Variants in UBR4 observed in about 807,000 individuals in gnomAD.
The protein encoded by UBR4 is E3 ubiquitin-protein ligase UBR4.
UBR4 carries 124 observed loss-of-function variants against 575.6 expected under a neutral mutation model. That is an observed-to-expected ratio of 0.22 (90% CI 0.19 to 0.25). The LOEUF (loss-of-function observed/expected upper bound fraction) is 0.25. Ranked by LOEUF, UBR4 falls within the 10% of genes least tolerant of loss-of-function variation. The probability of loss-of-function intolerance (pLI) is 1.00; values close to 1 mark genes in which losing one functional copy is unlikely to be tolerated. For synonymous variants in UBR4, 2,455 were observed against 2,473.7 expected (o/e 0.99, Z 0.22); for missense variants, 4,818 against 6,478.8 (o/e 0.74, Z 8.80).
Position 19,204,527 on chromosome 1 carries a change from T to TAA in UBR4, c.177-2714_177-2713dup, listed in dbSNP as rs142907721. Among the ~76,000 whole-genome samples the TAA allele has an allele frequency of 4.4e-4, 64 of 145,574 alleles. 1 individual carries two copies. The highest frequency in any genetic ancestry group is 6.9e-4 in the African/African-American group (27 of 39,252). On this transcript the variant is annotated intron_variant, in intron 1 of 105. Coordinates refer to ENST00000375254, the MANE Select transcript of UBR4 (RefSeq NM_020765.3). The stretch of plus-strand genomic sequence containing the variant: ...ATACCCATTCTGATAATGAAATATA[T>TAA]AAAAAAAAATATATATATATATAGG...
chr1:19,161,775 C>T (rs747144518), intron 36 of UBR4, 39 bp from the exon 37 acceptor site: 1 of 1,613,848 alleles, frequency 6.2e-7, no homozygotes, highest in Admixed American at 1.7e-5. Context: ...CTCAGAAGTC[C>T]CAACAATCGG....
At chr1:19,194,561 G>A (rs1364299632) in intron 8 of UBR4, among the ~76,000 whole-genome samples, 2 of 152,130 alleles carry the variant, frequency 1.3e-5, no homozygotes, top group South Asian at 2.1e-4. Flanking sequence ...TAGCACTTTG[G>A]GAGGCCCAGG....
Position 19,088,954 on chromosome 1 carries a change from G to A in UBR4, c.14235C>T (p.Ile4745=), listed in dbSNP as rs1228748113. ...CCTGCTCCAGCTTATGCAGGTTCGGGATGGAATCAGTTCCAATCAGAACCT... is the reference window on the plus strand; with the variant it reads ...CCTGCTCCAGCTTATGCAGGTTCGGAATGGAATCAGTTCCAATCAGAACCT... ...GTQVLIGTDS[I]PNLHKLEQVS... The change falls in exon 98 of 106, where the codon ATC becomes ATT. Residue 4745 remains isoleucine (I), a synonymous_variant. Transcript: ENST00000375254. The surrounding 1 kb of genome is among the most constrained non-coding windows in gnomAD (Gnocchi z 4.0). The A allele has an allele frequency of 6.2e-7, 1 of 1,614,200 alleles. No individual in the cohort carries two copies. The highest frequency in any genetic ancestry group is 8.5e-7 in the Non-Finnish European group (1 of 1,180,042).
chr1:19,074,765 AGGAG>A lies in UBR4; in HGVS notation c.*63_*66del. ...TCCCGCGGAGGGAACTTAATGCACA[AGGAG>A]GGAGAACAGAGGGTGGAAGGCAAGC... On this transcript the variant is annotated 3_prime_UTR_variant, in exon 106 of 106. Transcript: ENST00000375254. The A allele has an allele frequency of 6.4e-7, 1 of 1,559,856 alleles. No homozygotes were observed. The highest frequency in any genetic ancestry group is 8.8e-7 in the Non-Finnish European group (1 of 1,136,518).
Position 19,195,266 on chromosome 1 carries a change from A to AAATAATAATAATAATAAT in UBR4, c.1019-1727_1019-1710dup, listed in dbSNP as rs56018841. On this transcript the variant is annotated intron_variant, in intron 8 of 105. Coordinates refer to ENST00000375254, the MANE Select transcript of UBR4 (RefSeq NM_020765.3). ...GGCGACTGAGCGAGACTCCATCTCA[A>AAATAATAATAATAATAAT]AATAATAATAATAATAATAATAATA... Among the ~76,000 whole-genome samples, 484 of 143,324 alleles carry AAATAATAATAATAATAAT rather than the reference A, an allele frequency of 3.4e-3. 1 individual carries two copies. The highest frequency in any genetic ancestry group is 8.3e-3 in the African/African-American group (322 of 38,922). The allele number at this position is 143,324 out of a possible 152,430, so 94.0% of individuals were successfully genotyped here.
chr1:19,143,432 A>G (rs1262135634), intron 55 of UBR4, among the ~76,000 whole-genome samples: 1 of 152,210 alleles, frequency 6.6e-6, no homozygotes, highest in East Asian at 1.9e-4. Context: ...CTTTTACTGA[A>G]TCGTAAAATG....
At chr1:19,113,501 C>T in intron 77 of UBR4, 198 bp downstream of exon 77, 2 of 754,462 alleles carry the variant, frequency 2.7e-6, no homozygotes, top group Non-Finnish European at 4.2e-6. Context: ...AGCATGAACT[C>T]AGCATTCTGA....
Position 19,100,263 on chromosome 1 carries a change from G to A in UBR4, c.13221+113C>T. On this transcript the variant is annotated intron_variant, in intron 89 of 105. Transcript: ENST00000375254. The surrounding 1 kb of genome is among the most constrained non-coding windows in gnomAD (Gnocchi z 4.2). ...CCCCAACTTACAGAGTGGAGAAACT[G>A]AAGGCCACCTGCCCCAAGTTAATCA... 1.7e-6 allele frequency: 2 copies of A among 1,181,786 alleles called. No homozygotes were observed. The highest frequency in any genetic ancestry group is 2.5e-6 in the Non-Finnish European group (2 of 814,334). 73.2% of individuals were successfully genotyped at this position (1,181,786 alleles called of 1,614,324 possible).
At chr1:19,130,305 C>T (rs976769440) in intron 60 of UBR4, among the ~76,000 whole-genome samples, 1 of 152,166 alleles carries the variant, frequency 6.6e-6, no homozygotes, top group Non-Finnish European at 1.5e-5. Flanking sequence ...CGTCTTTCAA[C>T]ACTTGGAGGC....
In UBR4 at chr1:19,145,645, T is replaced by C. The variant is rs554578176; in HGVS notation, c.7945+148A>G. ...ATTCCTGTCTCAGGAACATTGCATTTATCTCGCAGACTTCTACTTCCCAAT... is the reference window on the plus strand; with the variant it reads ...ATTCCTGTCTCAGGAACATTGCATTCATCTCGCAGACTTCTACTTCCCAAT... On this transcript the variant is annotated intron_variant, in intron 53 of 105. Transcript: ENST00000375254. 4.4e-5 allele frequency: 45 copies of C among 1,028,392 alleles called. No homozygotes were observed. In the South Asian group the frequency reaches 7.9e-4, roughly 18 times the overall value. The allele number at this position is 1,028,392 out of a possible 1,614,324, so 63.7% of individuals were successfully genotyped here. A position where few individuals can be genotyped will look rare whatever the true frequency, so the allele number is the denominator to read the frequency against.
chr1:19,094,862 C>A lies in UBR4; in HGVS notation c.13746+44G>T, dbSNP rs2077874744. ...GCCTGTTGTGGGCAATGAGACAGTG[C>A]AGGCTCTCAGTGCCTGCAGATGGAG... On this transcript the variant is annotated intron_variant, in intron 94 of 105. Transcript: ENST00000375254. 4 of 1,608,102 alleles carry A rather than the reference C, an allele frequency of 2.5e-6. No homozygotes were observed. In the Admixed American group the frequency reaches 6.7e-5, roughly 27 times the overall value.
intron 39 of UBR4, among the ~76,000 whole-genome samples, chr1:19,159,728 C>T (rs2087005273): frequency 5.3e-5 from 8 of 151,826 alleles, no homozygotes; most frequent in Admixed American, 5.3e-4. Flanking sequence ...TTCCGAGTAG[C>T]TGGGACTATA....
chr1:19,196,675 G>A (rs1483408490), intron 8 of UBR4, among the ~76,000 whole-genome samples: 1 of 152,108 alleles, frequency 6.6e-6, no homozygotes, highest in East Asian at 1.9e-4. Context: ...CCTGTTCCAC[G>A]AAGCCTTCTT....
chr1:19,162,829 T>C (rs1472439711), intron 34 of UBR4, among the ~76,000 whole-genome samples: 1 of 152,202 alleles, frequency 6.6e-6, no homozygotes, highest in African/African-American at 2.4e-5. Context: ...CATTCATTCT[T>C]AGGCACAAAG....
At chr1:19,136,462 T>C (rs16862564) in intron 60 of UBR4, among the ~76,000 whole-genome samples, 6,640 of 152,232 alleles carry the variant, frequency 0.044, 433 homozygotes, top group African/African-American at 0.15. Context: ...TTAAAATGCA[T>C]AGTATAACCA....
At position 19,210,193 on chromosome 1, in the gene UBR4, G is replaced by C. The variant is rs779115060; in HGVS notation, c.56C>G (p.Pro19Arg). The C allele has an allele frequency of 2.4e-5, 35 of 1,480,698 alleles. 1 individual carries two copies. Among genetic ancestry groups the C allele is most frequent in the Admixed American group, 1.3e-4 (5 of 37,274 alleles). 91.7% of individuals were successfully genotyped at this position (1,480,698 alleles called of 1,614,324 possible). Residue 19 changes from proline (P) to arginine (R), a missense_variant, in exon 1 of 106, where the codon CCG becomes CGG. Transcript: ENST00000375254. ...CGGGGTCGTGTCCGCCCCCGTTGCC[G>C]GGGTCCCCGGCGCCGGAGCCGCTGC... Reference protein sequence around the residue: ...AAAAAPAPGTPATGADTTPGW... With the variant: ...AAAAAPAPGTRATGADTTPGW...
In UBR4 at chr1:19,179,143, G is replaced by T; in HGVS notation, c.2262C>A (p.Leu754=). The change falls in exon 18 of 106, where the codon CTC becomes CTA. Residue 754 remains leucine (L), a synonymous_variant. Transcript: ENST00000375254. ...PWPLYIHPQS[L]SVLSRLLLIW... is the part of the protein sequence containing the mutation. Reference sequence around the variant, plus strand: ...TGAGCAGGAGGCGTGAAAGCACAGAGAGGCTTTGAGGGTGAATGTACAAGG... The same window carrying T: ...TGAGCAGGAGGCGTGAAAGCACAGATAGGCTTTGAGGGTGAATGTACAAGG... The T allele has an allele frequency of 6.2e-7, 1 of 1,613,830 alleles. No individual in the cohort carries two copies. The highest frequency in any genetic ancestry group is 8.5e-7 in the Non-Finnish European group (1 of 1,179,938).
At chr1:19,171,477 T>C (rs2089529845) in intron 25 of UBR4, among the ~76,000 whole-genome samples, 1 of 152,176 alleles carries the variant, frequency 6.6e-6, no homozygotes, top group Admixed American at 6.5e-5. Flanking sequence ...CTCTATCTTC[T>C]GCAAGGCAGT....
chr1:19,086,913 G>C, intron 99 of UBR4, 92 bp from the exon 100 acceptor site: 2 of 1,535,546 alleles, frequency 1.3e-6, no homozygotes, highest in Non-Finnish European at 1.8e-6. Context: ...CCCTTCTTGG[G>C]CAATGCCTTG....
Sources: gnomAD v4.1 joint callset for allele counts (sites outside exome capture counted in the v4.1 genomes callset) on GRCh38, gnomAD v4.1.1 for gene constraint, Gnocchi (gnomAD v3.1) non-coding constraint, MANE v1.5 for transcripts, NCBI Gene and HGNC (gene_info 2026-07-23, HGNC 2026-07-21) for gene names.